The following SORL1 variants were observed in gnomAD, a reference collection of about 807,000 sequenced individuals.
SORL1 encodes the protein sortilin-related receptor.
Under a neutral mutation model 273.7 loss-of-function variants are expected in SORL1, and 127 were observed. The ratio of observed to expected loss-of-function variants is 0.46; its 90% CI spans 0.40 to 0.54. SORL1 has a LOEUF of 0.54. SORL1 is among the 20% of genes least tolerant of loss of function. The pLI is 0.00. For missense variants in SORL1, 2,494 were observed against 2,846.1 expected, an observed-to-expected ratio of 0.88 and a Z score of 2.81; for synonymous variants, 1,031 against 1,067.4, an observed-to-expected ratio of 0.97 and a Z score of 0.66.
chr11:121,577,152 CGTTCATG>C (rs2134937149), intron 24 of SORL1, 122 bp from the exon 25 acceptor site: 11 of 1,282,816 alleles, frequency 8.6e-6, no homozygotes, highest in Non-Finnish European at 1.1e-5. Flanking sequence ...AAAGTCTCTT[CGTTCATG>C]GTCTCTGTGG....
intron 2 of SORL1, among the ~76,000 whole-genome samples, chr11:121,472,438 G>A (rs558707537): frequency 1.3e-5 from 2 of 152,348 alleles, no homozygotes; most frequent in African/African-American, 4.8e-5. Flanking sequence ...CACTCAGCAT[G>A]TCAGTGGGAA....
chr11:121,521,218 T>G (rs145074005), intron 9 of SORL1, among the ~76,000 whole-genome samples: 156 of 152,316 alleles, frequency 1.0e-3, no homozygotes, highest in African/African-American at 3.5e-3. Context: ...AAAATTCTTT[T>G]GGAGACTCTT....
chr11:121,463,390 G>A (rs1861033523), intron 1 of SORL1, among the ~76,000 whole-genome samples: 1 of 152,150 alleles, frequency 6.6e-6, no homozygotes, highest in Non-Finnish European at 1.5e-5. Context: ...GACAAAGTGG[G>A]TTCACCAGGA....
At chr11:121,486,715 G>A (rs1036094673) in intron 3 of SORL1, among the ~76,000 whole-genome samples, 7 of 151,910 alleles carry the variant, frequency 4.6e-5, no homozygotes, top group African/African-American at 1.7e-4. Context: ...TCCTGACCTC[G>A]TGATCCCCCC....
chr11:121,520,338 C>G (rs987401829), intron 8 of SORL1, among the ~76,000 whole-genome samples: 4 of 152,112 alleles, frequency 2.6e-5, no homozygotes, highest in African/African-American at 9.7e-5. Flanking sequence ...TGAAAGTAAC[C>G]AGATACAAAA....
chr11:121,524,573 G>A (rs750695409), intron 11 of SORL1, among the ~76,000 whole-genome samples: 26 of 152,246 alleles, frequency 1.7e-4, no homozygotes, highest in Admixed American at 3.3e-4. Flanking sequence ...TGGGCTGTGT[G>A]CAGGAGCAGG....
rs67390938 is a variant in SORL1 at position 121,547,417 on chromosome 11, C to CAAAAAAAAA, written c.2051+2008_2051+2016dup. ...TGCCCTACATTTCCCCAACCCTCAC[C>CAAAAAAAAA]AAAAAAAAAAAAAAAAAAAAAAAAA... On this transcript the variant is annotated intron_variant, in intron 14 of 47. Transcript: ENST00000260197. Among the ~76,000 whole-genome samples the CAAAAAAAAA allele has an allele frequency of 3.1e-3, 74 of 24,038 alleles. 16 individuals are homozygous for CAAAAAAAAA. The highest frequency in any genetic ancestry group is 0.012 in the African/African-American group (51 of 4,104). The allele number at this position is 24,038 out of a possible 152,430, so 15.8% of individuals were successfully genotyped here. A position where few individuals can be genotyped will look rare whatever the true frequency, so the allele number is the denominator to read the frequency against.
chr11:121,491,388 T>A (rs554572788), intron 5 of SORL1, among the ~76,000 whole-genome samples: 51 of 152,334 alleles, frequency 3.3e-4, no homozygotes, highest in African/African-American at 1.1e-3. Flanking sequence ...TTGAATTATA[T>A]GAATTTGTAC....
intron 2 of SORL1, among the ~76,000 whole-genome samples, chr11:121,473,956 T>C (rs1861217439): frequency 6.6e-6 from 1 of 152,140 alleles, no homozygotes; most frequent in Non-Finnish European, 1.5e-5. Flanking sequence ...GATAGGACTT[T>C]CTGCTTTTGT....
At chr11:121,521,533 T>A (rs1396912047) in intron 9 of SORL1, among the ~76,000 whole-genome samples, 1 of 152,184 alleles carries the variant, frequency 6.6e-6, no homozygotes, top group African/African-American at 2.4e-5. Context: ...GTTCATCAGC[T>A]TTAGGTATAG....
At chr11:121,492,806 A>ATT (rs34141065) in intron 5 of SORL1, among the ~76,000 whole-genome samples, 7,354 of 140,262 alleles carry the variant, frequency 0.052, 433 homozygotes, top group East Asian at 0.19. Flanking sequence ...CTTAAGGGTC[A>ATT]TTTTTTTTTT....
At chr11:121,557,148 A>C (rs1862599143) in intron 18 of SORL1, 166 bp from the exon 19 acceptor site, 1 of 643,670 alleles carries the variant, frequency 1.6e-6, no homozygotes, top group Admixed American at 2.4e-5. Context: ...GGAACAGCGC[A>C]TTGTGACTAG....
Position 121,514,339 on chromosome 11 carries a change from C to T in SORL1, c.1211+18C>T, listed in dbSNP as rs1401956805. On this transcript the variant is annotated intron_variant, in intron 8 of 47. Transcript: ENST00000260197. ...TTGGTGAGGTAAGGAGACTGTGAGT[C>T]CTTCTCCTGCCTTCTTAGGCCAACA... 6.3e-7 allele frequency: 1 copy of T among 1,598,444 alleles called. No homozygotes were observed. Among genetic ancestry groups the T allele is most frequent in the African/African-American group, 1.3e-5 (1 of 74,252 alleles).
chr11:121,519,253 C>G (rs1007601417), intron 8 of SORL1, among the ~76,000 whole-genome samples: 1 of 152,180 alleles, frequency 6.6e-6, no homozygotes, highest in East Asian at 1.9e-4. Flanking sequence ...GCCAAGCTTC[C>G]AGTCTTAACA....
chr11:121,527,635 A>G (rs1249028331), intron 11 of SORL1, among the ~76,000 whole-genome samples: 1 of 152,096 alleles, frequency 6.6e-6, no homozygotes, highest in Non-Finnish European at 1.5e-5. Context: ...ATATTTTTTG[A>G]TAAGAGATTT....
intron 8 of SORL1, 143 bp downstream of exon 8, chr11:121,514,464 G>T (rs535635418): frequency 5.2e-6 from 4 of 775,004 alleles, no homozygotes; most frequent in Non-Finnish European, 6.1e-6. Flanking sequence ...GCTCACGTGC[G>T]CAGAGATCAC....
chr11:121,498,937 G>C (rs1044744672), intron 6 of SORL1, among the ~76,000 whole-genome samples: 1 of 151,972 alleles, frequency 6.6e-6, no homozygotes, highest in Non-Finnish European at 1.5e-5. Context: ...TAGTCTAACA[G>C]CTATGTCTGT....
chr11:121,595,822 C>T lies in SORL1; in HGVS notation c.4519+50C>T. The T allele has an allele frequency of 2.5e-6, 4 of 1,582,854 alleles. No homozygotes were observed. The highest frequency in any genetic ancestry group is 3.4e-6 in the Non-Finnish European group (4 of 1,163,740). On this transcript the variant is annotated intron_variant, in intron 32 of 47. Coordinates refer to ENST00000260197, the MANE Select transcript of SORL1 (RefSeq NM_003105.6). This position sits in a 1 kb window ranked among gnomAD's most constrained non-coding sequence, Gnocchi z 5.1. ...CCCCTGGGCACGTTTCTGCAGAGAG[C>T]ACAGTTCTGGTGCTTCTGCTTCATT...
At chr11:121,524,734 TTTTA>T (rs780435358) in intron 11 of SORL1, among the ~76,000 whole-genome samples, 17 of 152,072 alleles carry the variant, frequency 1.1e-4, no homozygotes, top group Non-Finnish European at 2.2e-4. Flanking sequence ...TTTAAATAAT[TTTTA>T]TTTCTTTTAT....
Sources: gnomAD v4.1 joint callset for allele counts (sites outside exome capture counted in the v4.1 genomes callset) on GRCh38, gnomAD v4.1.1 for gene constraint, Gnocchi (gnomAD v3.1) non-coding constraint, MANE v1.5 for transcripts, NCBI Gene and HGNC (gene_info 2026-07-23, HGNC 2026-07-21) for gene names.